The following LGSN variants were observed in gnomAD, a reference collection of about 807,000 sequenced individuals.
The protein encoded by LGSN is lengsin, lens protein with glutamine synthetase domain, also known as lengsin.
A neutral mutation model predicts 19.5 loss-of-function variants in LGSN; 21 were observed. The ratio of observed to expected loss-of-function variants is 1.07; its 90% CI spans 0.76 to 1.55. LGSN has a LOEUF of 1.55. Ranked by LOEUF, LGSN falls within the 40% of genes most tolerant of loss-of-function variation. The probability of loss-of-function intolerance (pLI) is 0.00; values close to 1 mark genes in which losing one functional copy is unlikely to be tolerated. For missense variants in LGSN, 673 were observed against 608.5 expected (o/e 1.11, Z -1.12); for synonymous variants, 257 against 215.6 (o/e 1.19, Z -1.68).
chr6:63,312,188 T>C (rs1441222953), intron 1 of LGSN, among the ~76,000 whole-genome samples: 1 of 152,326 alleles, frequency 6.6e-6, no homozygotes, highest in South Asian at 2.1e-4. Context: ...TTTTTCTTTA[T>C]CCATTCATCT....
the LGSN span, among the ~76,000 whole-genome samples, chr6:63,428,947 G>A: frequency 6.6e-6 from 1 of 152,152 alleles, no homozygotes; most frequent in African/African-American, 2.4e-5. Flanking sequence ...TACTCAGGAG[G>A]CTGAGGTATT....
At chr6:63,498,035 C>T in the LGSN span, among the ~76,000 whole-genome samples, 1 of 150,010 alleles carries the variant, frequency 6.7e-6, no homozygotes, top group South Asian at 2.1e-4. Flanking sequence ...TCTCTTGCCT[C>T]AGCCTCCCGA....
At chr6:63,547,465 C>T in the LGSN span, among the ~76,000 whole-genome samples, 1 of 148,986 alleles carries the variant, frequency 6.7e-6, no homozygotes, top group Non-Finnish European at 1.5e-5. Context: ...GCTGGGATTA[C>T]AGGCGTCTGC....
the LGSN span, among the ~76,000 whole-genome samples, chr6:63,547,653 C>T: frequency 1.3e-4 from 19 of 151,514 alleles, no homozygotes; most frequent in Admixed American, 8.5e-4. Context: ...CTACAGGTGC[C>T]CACCACCACG....
chr6:63,339,406 T>A, the LGSN span, among the ~76,000 whole-genome samples: 3 of 152,216 alleles, frequency 2.0e-5, no homozygotes, highest in African/African-American at 7.2e-5. Context: ...GCTGAATTGA[T>A]CCTTTTATCA....
At chr6:63,516,597 A>G in the LGSN span, among the ~76,000 whole-genome samples, 2 of 152,176 alleles carry the variant, frequency 1.3e-5, no homozygotes, top group African/African-American at 4.8e-5. Context: ...CAAACATGGC[A>G]TACTGCTGGC....
rs1222874796 is a variant in LGSN at position 63,276,206 on chromosome 6, CAA to C, written c.*3813_*3814del. 1 of 152,162 alleles carries C rather than the reference CAA, an allele frequency of 6.6e-6. No individual in the cohort carries two copies. The highest frequency in any genetic ancestry group is 2.4e-5 in the African/African-American group (1 of 41,438). 9.4% of individuals were successfully genotyped at this position (152,162 alleles called of 1,614,324 possible). On this transcript the variant is annotated 3_prime_UTR_variant, in exon 4 of 4. Coordinates refer to ENST00000370657, the MANE Select transcript of LGSN (RefSeq NM_016571.3). ...GTCAAACAGGTGACTGGAGATATGT[CAA>C]TAGACTGTTCTGTTTTACTGATAAG... is the stretch of plus-strand genomic sequence containing the variant.
chr6:63,315,131 C>T (rs1768788271), intron 1 of LGSN, among the ~76,000 whole-genome samples: 1 of 152,114 alleles, frequency 6.6e-6, no homozygotes, highest in African/African-American at 2.4e-5. Flanking sequence ...ATCCTTGTGC[C>T]TAACATATTG....
chr6:63,449,077 A>G, the LGSN span, among the ~76,000 whole-genome samples: 2 of 152,344 alleles, frequency 1.3e-5, no homozygotes. Context: ...AAGGAACTTG[A>G]GTTCTGGGGA....
the LGSN span, among the ~76,000 whole-genome samples, chr6:63,394,619 T>C: frequency 6.6e-6 from 1 of 152,250 alleles, no homozygotes; most frequent in African/African-American, 2.4e-5. Context: ...GCTCTGCCTT[T>C]GGCGTAACCA....
At chr6:63,287,629 G>A (rs1767594243) in intron 2 of LGSN, among the ~76,000 whole-genome samples, 1 of 152,066 alleles carries the variant, frequency 6.6e-6, no homozygotes. Flanking sequence ...AATCGCTTGA[G>A]CCTGGGAGGT....
the LGSN span, among the ~76,000 whole-genome samples, chr6:63,344,461 C>A: frequency 1.3e-5 from 2 of 151,964 alleles, no homozygotes; most frequent in African/African-American, 4.8e-5. Context: ...TGCTCCTCTA[C>A]AAAGAAAGTA....
At chr6:63,505,565 A>AAAAAGAAAG in the LGSN span, among the ~76,000 whole-genome samples, 4 of 58,674 alleles carry the variant, frequency 6.8e-5, no homozygotes, top group Admixed American at 2.1e-4. Flanking sequence ...AAAAAAAAAA[A>AAAAAGAAAG]AAAGAAAGAA....
the LGSN span, among the ~76,000 whole-genome samples, chr6:63,468,643 G>A: frequency 2.0e-5 from 3 of 151,858 alleles, no homozygotes; most frequent in South Asian, 4.2e-4. Context: ...GGTCAGGCTG[G>A]TCTCGAACTT....
chr6:63,336,557 G>GTATATATATATA, the LGSN span, among the ~76,000 whole-genome samples: 1 of 136,100 alleles, frequency 7.3e-6, no homozygotes, highest in African/African-American at 2.9e-5. Context: ...GTGTGTGTGT[G>GTATATATATATA]TGTGTATATA....
At chr6:63,556,526 G>T in the LGSN span, among the ~76,000 whole-genome samples, 2 of 152,114 alleles carry the variant, frequency 1.3e-5, no homozygotes, top group African/African-American at 4.8e-5. Flanking sequence ...CCCTAGGTGT[G>T]CCTTGTTAGG....
chr6:63,285,847 A>G, intron 2 of LGSN, 94 bp from the exon 3 acceptor site: 1 of 907,232 alleles, frequency 1.1e-6, no homozygotes, highest in Non-Finnish European at 1.7e-6. Context: ...CAATATTATT[A>G]ACAAAAACAT....
chr6:63,504,128 A>G, the LGSN span, among the ~76,000 whole-genome samples: 1 of 151,868 alleles, frequency 6.6e-6, no homozygotes, highest in South Asian at 2.1e-4. Context: ...TTCAACCCAT[A>G]TTTAATAAAA....
At chr6:63,441,352 A>T in the LGSN span, 1 of 478,322 alleles carries the variant, frequency 2.1e-6, no homozygotes, top group Non-Finnish European at 4.2e-6. Flanking sequence ...GCTCTCCTCA[A>T]CAACAGGCTG....
Sources: gnomAD v4.1 joint callset for allele counts (sites outside exome capture counted in the v4.1 genomes callset) on GRCh38, gnomAD v4.1.1 for gene constraint, MANE v1.5 for transcripts, NCBI Gene and HGNC (gene_info 2026-07-23, HGNC 2026-07-21) for gene names.